The following DLG2 variants were observed in gnomAD, a reference collection of about 807,000 sequenced individuals.
DLG2 encodes disks large homolog 2.
In DLG2, 45 loss-of-function variants were observed where a neutral mutation model predicts 132.5. The ratio of observed to expected loss-of-function variants is 0.34; its 90% confidence interval spans 0.27 to 0.44. The LOEUF is 0.44. DLG2 is among the 20% of genes least tolerant of loss of function. DLG2 has a pLI of 1.00. For missense variants in DLG2, 1,045 were observed against 1,196.9 expected, an observed-to-expected ratio of 0.87 and a Z score of 1.87; for synonymous variants, 424 against 419.6, an observed-to-expected ratio of 1.01 and a Z score of -0.13.
At chr11:84,164,097 A>G (rs1341345117) in intron 8 of DLG2, among the ~76,000 whole-genome samples, 2 of 152,218 alleles carry the variant, frequency 1.3e-5, no homozygotes, top group Non-Finnish European at 1.5e-5. Context: ...AGCAGTAAGA[A>G]ATGAGCAAAG....
chr11:83,503,353 A>G (rs12363500), intron 21 of DLG2, among the ~76,000 whole-genome samples: 2,698 of 95,010 alleles, frequency 0.028, 38 homozygotes, highest in Non-Finnish European at 0.05. Context: ...TTATATATAT[A>G]CACACACACA....
At chr11:84,738,258 G>A (rs992506182) in intron 6 of DLG2, among the ~76,000 whole-genome samples, 23 of 151,326 alleles carry the variant, frequency 1.5e-4, no homozygotes, top group Admixed American at 1.3e-3. Flanking sequence ...AAAAACATCA[G>A]GAACCTATTT....
At chr11:85,493,503 T>C (rs771549199) in intron 3 of DLG2, among the ~76,000 whole-genome samples, 1 of 152,144 alleles carries the variant, frequency 6.6e-6, no homozygotes, top group Non-Finnish European at 1.5e-5. Flanking sequence ...GCGTAATTTA[T>C]AAACAATAGA....
chr11:83,869,920 C>T (rs951829385), intron 16 of DLG2, among the ~76,000 whole-genome samples: 1 of 152,166 alleles, frequency 6.6e-6, no homozygotes, highest in Non-Finnish European at 1.5e-5. Flanking sequence ...GTGCCTTCTC[C>T]TAGATGAAAG....
At chr11:84,640,660 G>A (rs2099658294) in intron 6 of DLG2, 1 of 176,792 alleles carries the variant, frequency 5.7e-6, no homozygotes, top group Non-Finnish European at 1.2e-5. Flanking sequence ...ACCTATTGAT[G>A]GCCAGGCATG....
chr11:83,735,917 C>T (rs1232261101), intron 18 of DLG2, among the ~76,000 whole-genome samples: 2 of 152,212 alleles, frequency 1.3e-5, no homozygotes, highest in Non-Finnish European at 2.9e-5. Flanking sequence ...TCCAGATTCA[C>T]TCTCTGCCAC....
chr11:84,890,364 C>T (rs1198582684), intron 6 of DLG2, among the ~76,000 whole-genome samples: 2 of 152,136 alleles, frequency 1.3e-5, no homozygotes, highest in Non-Finnish European at 2.9e-5. Context: ...TACTGTGAAG[C>T]GGTCAAGTCC....
intron 7 of DLG2, among the ~76,000 whole-genome samples, chr11:84,343,156 C>G (rs537741680): frequency 3.9e-5 from 6 of 152,072 alleles, no homozygotes; most frequent in Admixed American, 3.9e-4. Flanking sequence ...AGATGATAAC[C>G]CATTTAGGGA....
At chr11:83,899,650 C>T (rs548006565) in intron 15 of DLG2, among the ~76,000 whole-genome samples, 2 of 150,642 alleles carry the variant, frequency 1.3e-5, no homozygotes, top group South Asian at 2.2e-4. Context: ...CCATGTGAGA[C>T]GTGCCTTTCA....
intron 7 of DLG2, among the ~76,000 whole-genome samples, chr11:84,290,014 C>A (rs1232498721): frequency 1.3e-5 from 2 of 152,092 alleles, no homozygotes; most frequent in Non-Finnish European, 2.9e-5. Context: ...ACTAAGTTTG[C>A]TCATTCTGGT....
intron 2 of DLG2, among the ~76,000 whole-genome samples, chr11:85,621,015 T>TA (rs2081654226): frequency 6.6e-6 from 1 of 152,228 alleles, no homozygotes; most frequent in African/African-American, 2.4e-5. Flanking sequence ...TCTTAGAGGC[T>TA]AATGGGTGAA....
At chr11:84,004,453 A>G (rs927786108) in intron 11 of DLG2, among the ~76,000 whole-genome samples, 1 of 152,090 alleles carries the variant, frequency 6.6e-6, no homozygotes, top group Non-Finnish European at 1.5e-5. Flanking sequence ...AATAAAGGCC[A>G]TATATGACTA....
chr11:84,561,481 C>T (rs1192883841), intron 6 of DLG2, among the ~76,000 whole-genome samples: 1 of 152,126 alleles, frequency 6.6e-6, no homozygotes, highest in African/African-American at 2.4e-5. Flanking sequence ...TTGCTTTAAA[C>T]TCTAATATTT....
intron 3 of DLG2, among the ~76,000 whole-genome samples, chr11:85,572,826 C>A (rs1177419057): frequency 6.6e-6 from 1 of 152,196 alleles, no homozygotes; most frequent in Admixed American, 6.5e-5. Context: ...AAGTTTCTGT[C>A]TGATTTCAAA....
At chr11:84,631,018 TCACACA>T (rs372331224) in intron 6 of DLG2, among the ~76,000 whole-genome samples, 1,325 of 93,928 alleles carry the variant, frequency 0.014, 14 homozygotes, top group African/African-American at 0.018. Context: ...TCTCTCTCTC[TCACACA>T]CACACACACA....
chr11:84,972,375 AGTT>A (rs2054226589), intron 6 of DLG2, among the ~76,000 whole-genome samples: 1 of 152,224 alleles, frequency 6.6e-6, no homozygotes, highest in African/African-American at 2.4e-5. Context: ...GAGATCAAGC[AGTT>A]GAGCTAAAAC....
intron 14 of DLG2, among the ~76,000 whole-genome samples, chr11:83,956,342 A>T (rs1208551360): frequency 6.6e-6 from 1 of 152,202 alleles, no homozygotes; most frequent in East Asian, 1.9e-4. Context: ...CAAGGGGCCA[A>T]CTGAGCTGCT....
chr11:84,676,906 T>C (rs2099713194), intron 6 of DLG2, among the ~76,000 whole-genome samples: 1 of 151,888 alleles, frequency 6.6e-6, no homozygotes, highest in African/African-American at 2.4e-5. Context: ...TCCAGGCAGA[T>C]GGAACAAGTG....
intron 9 of DLG2, among the ~76,000 whole-genome samples, chr11:84,116,613 C>T (rs2093646753): frequency 6.6e-6 from 1 of 152,162 alleles, no homozygotes; most frequent in African/African-American, 2.4e-5. Context: ...TCAATTACCT[C>T]CCACTAGGTC....
Sources: allele counts gnomAD v4.1 joint callset (sites outside exome capture counted in the v4.1 genomes callset), GRCh38; gene constraint gnomAD v4.1.1; transcripts MANE v1.5; gene names NCBI Gene and HGNC (gene_info 2026-07-23, HGNC 2026-07-21).